Variants in ZNF7 observed in about 807,000 individuals in gnomAD.
ZNF7 encodes the protein C2-H2 type zinc finger protein.
In ZNF7, 10 loss-of-function variants were observed where a neutral mutation model predicts 12.0. The observed-to-expected ratio is 0.83, with a 90% CI of 0.51 to 1.42. The LOEUF (loss-of-function observed/expected upper bound fraction) is 1.42, where lower values mean the gene tolerates loss of function less well. Ranked by LOEUF, ZNF7 falls within the 40% of genes most tolerant of loss-of-function variation. The pLI is 0.00. For missense variants in ZNF7, 854 were observed against 837.2 expected, an observed-to-expected ratio of 1.02 and a Z score of -0.25; for synonymous variants, 334 against 295.0, an observed-to-expected ratio of 1.13 and a Z score of -1.35.
chr8:144,830,800 C>T (rs899440177), intron 3 of ZNF7: 9 of 372,732 alleles, frequency 2.4e-5, no homozygotes, highest in African/African-American at 1.7e-4. Flanking sequence ...ATGGCGCGAT[C>T]TTGGCTCACC....
At chr8:144,838,421 G>C (rs539871144) in intron 4 of ZNF7, 4 of 432,618 alleles carry the variant, frequency 9.2e-6, no homozygotes, top group Non-Finnish European at 1.7e-5. Flanking sequence ...CTGGGCAGGC[G>C]CCCGGCCTGG....
downstream of ZNF7, among the ~76,000 whole-genome samples, chr8:144,845,572 TG>T (rs1830466178): frequency 6.6e-6 from 1 of 152,218 alleles, no homozygotes; most frequent in Non-Finnish European, 1.5e-5. Context: ...TCTAACAGGC[TG>T]GGACCTTGTC....
intron 4 of ZNF7, chr8:144,838,334 T>C: frequency 1.7e-6 from 1 of 572,592 alleles, no homozygotes; most frequent in African/African-American, 1.9e-5. Context: ...TCTGAGGTGC[T>C]TCAAGTTAGG....
In ZNF7 at chr8:144,841,683, A is replaced by G. The variant is rs751225726; in HGVS notation, c.576A>G (p.Glu192=). The change falls in exon 5 of 5, where the codon GAA becomes GAG. Residue 192 remains glutamate, a synonymous_variant. Transcript: ENST00000532777. ...TTGAAAGTCAGGGAGAGAGTGCGGA[A>G]GGGATGTCCCAGAGATGCGAGGAGT... The part of the protein sequence containing the change: ...QPLESQGESA[E]GMSQRCEECG... The G allele has an allele frequency of 1.2e-6, 2 of 1,614,074 alleles. No homozygotes were observed. The highest frequency in any genetic ancestry group is 2.7e-5 in the African/African-American group (2 of 74,932).
Position 144,837,113 on chromosome 8 carries a change from G to A in ZNF7, c.131-278G>A, listed in dbSNP as rs148065883. ...TTTCCCGAGTTCCAGGGGTAGAGGC[G>A]GACTGTCCTTTGCAGACTGTTTGGT... On this transcript the variant is annotated intron_variant, in intron 3 of 4. Transcript: ENST00000532777. 806 of 281,384 alleles carry A rather than the reference G, an allele frequency of 2.9e-3. 4 individuals carry two copies. Among genetic ancestry groups the A allele is most frequent in the Non-Finnish European group, 3.5e-3 (518 of 149,550 alleles). 17.4% of individuals were successfully genotyped at this position (281,384 alleles called of 1,614,324 possible). A position where few individuals can be genotyped will look rare whatever the true frequency, so the allele number is the denominator to read the frequency against.
chr8:144,836,786 A>T (rs1346707857), intron 3 of ZNF7: 1 of 152,852 alleles, frequency 6.5e-6, no homozygotes, highest in Non-Finnish European at 1.5e-5. Flanking sequence ...CAAAGAGGGT[A>T]TGGGGGCAGG....
In ZNF7 at chr8:144,842,981, A is replaced by G. The variant is rs1203016458; in HGVS notation, c.1874A>G (p.Lys625Arg). 6.2e-7 allele frequency: 1 copy of G among 1,614,224 alleles called. No individual in the cohort carries two copies. Among genetic ancestry groups the G allele is most frequent in the Non-Finnish European group, 8.5e-7 (1 of 1,180,042 alleles). Residue 625 changes from lysine to arginine, a missense_variant, in exon 5 of 5, where the codon AAA becomes AGA. Physicochemically the swap from Lys to Arg is conservative, Grantham distance 26. Coordinates refer to ENST00000532777, the MANE Select transcript of ZNF7 (RefSeq NM_003416.4). ...ALEGSTFVSR[K>R]KVNTIKKLHQ... ...GAAGGGTCCACCTTTGTGAGCCGTAAAAAGGTTAATACTATAAAGAAACTG... is the reference window on the plus strand; with the variant it reads ...GAAGGGTCCACCTTTGTGAGCCGTAGAAAGGTTAATACTATAAAGAAACTG...
At chr8:144,840,200 G>A (rs1295282883) in intron 4 of ZNF7, among the ~76,000 whole-genome samples, 1 of 152,236 alleles carries the variant, frequency 6.6e-6, no homozygotes, top group East Asian at 1.9e-4. Context: ...GTTGTGCAGG[G>A]AAAGCAGCAC....
intron 1 of ZNF7, chr8:144,828,100 C>G (rs902546086): frequency 6.6e-6 from 1 of 152,288 alleles, no homozygotes; most frequent in East Asian, 1.9e-4. Context: ...TCCGGGCATT[C>G]CTACTGTCAG....
At chr8:144,828,171 A>G (rs1828008384) in intron 1 of ZNF7, 1 of 151,980 alleles carries the variant, frequency 6.6e-6, no homozygotes, top group Non-Finnish European at 1.5e-5. Flanking sequence ...CCCACAAACC[A>G]CTTTCTGGGC....
Position 144,837,453 on chromosome 8 carries a change from G to C in ZNF7, c.193G>C (p.Val65Leu). 6.2e-7 allele frequency: 1 copy of C among 1,613,248 alleles called. No individual in the cohort carries two copies. Among genetic ancestry groups the C allele is most frequent in the South Asian group, 1.1e-5 (1 of 91,048 alleles). ...SRLEQGEEPW[V>L]LDLQGAEGTE... is the part of the protein sequence containing the mutation. Reference sequence around the variant, plus strand: ...GCTGGAGCAGGGAGAAGAGCCATGGGTCCTCGACCTGCAGGGAGCAGAGGG... The same window carrying C: ...GCTGGAGCAGGGAGAAGAGCCATGGCTCCTCGACCTGCAGGGAGCAGAGGG... Residue 65 changes from valine (V) to leucine (L), a missense_variant, in exon 4 of 5, where the codon GTC (valine) becomes CTC (leucine). Physicochemically the swap from Val to Leu is conservative, Grantham distance 32. Coordinates refer to ENST00000532777, the MANE Select transcript of ZNF7 (RefSeq NM_003416.4).
chr8:144,846,232 C>T, downstream of ZNF7: 1 of 1,496,536 alleles, frequency 6.7e-7, no homozygotes, highest in Non-Finnish European at 8.9e-7. Context: ...CTAACAGCAA[C>T]CAGCCAAAAA....
downstream of ZNF7, among the ~76,000 whole-genome samples, chr8:144,844,633 T>C (rs536480196): frequency 3.5e-5 from 5 of 141,380 alleles, no homozygotes; most frequent in South Asian, 4.4e-4. Flanking sequence ...GGTGTGAACC[T>C]GGGAGGCAGA....
chr8:144,840,495 G>A (rs545515946), intron 4 of ZNF7, among the ~76,000 whole-genome samples: 4 of 152,178 alleles, frequency 2.6e-5, no homozygotes, highest in African/African-American at 9.7e-5. Flanking sequence ...GGTGGGGACC[G>A]TGGTTGTCAT....
Position 144,843,386 on chromosome 8 carries a change from G to GACCA in ZNF7, c.*219_*220insCCAA. 1 of 488,972 alleles carries GACCA rather than the reference G, an allele frequency of 2.0e-6. No individual in the cohort carries two copies. The highest frequency in any genetic ancestry group is 3.5e-6 in the Non-Finnish European group (1 of 287,096). The allele number at this position is 488,972 out of a possible 1,614,324, so 30.3% of individuals were successfully genotyped here. A position where few individuals can be genotyped will look rare whatever the true frequency, so the allele number is the denominator to read the frequency against. On this transcript the variant is annotated 3_prime_UTR_variant, in exon 5 of 5. Transcript: ENST00000532777. ...GGGCACATCACGAGGTCAGGAGGTTGAGACCATCCTGGGTAACAGGTGAAA... is the reference window on the plus strand; with the variant it reads ...GGGCACATCACGAGGTCAGGAGGTTGACCAAGACCATCCTGGGTAACAGGTGAAA...
At chr8:144,846,264 T>C (rs1226617218), downstream of ZNF7, 3 of 1,344,770 alleles carry the variant, frequency 2.2e-6, no homozygotes, top group East Asian at 7.6e-5. Context: ...GCAAGCTTCA[T>C]TCTGCTTCAG....
chr8:144,845,414 T>G (rs1255879713), downstream of ZNF7, among the ~76,000 whole-genome samples: 1 of 151,874 alleles, frequency 6.6e-6, no homozygotes, highest in African/African-American at 2.4e-5. Context: ...GACACAACCT[T>G]GAGAAGTGGC....
At chr8:144,837,915 C>G in intron 4 of ZNF7, 1 of 610,574 alleles carries the variant, frequency 1.6e-6, no homozygotes, top group Non-Finnish European at 3.0e-6. Flanking sequence ...CAGACCCTCT[C>G]AGGCTCCAGG....
At chr8:144,841,034 G>A (rs559053222) in intron 4 of ZNF7, 2 of 272,642 alleles carry the variant, frequency 7.3e-6, no homozygotes, top group Non-Finnish European at 1.4e-5. Context: ...CCACCCTTCT[G>A]GTCTTGCTTT....
Sources: gnomAD v4.1 joint callset for allele counts (sites outside exome capture counted in the v4.1 genomes callset) on GRCh38, gnomAD v4.1.1 for gene constraint, MANE v1.5 for transcripts, NCBI Gene and HGNC (gene_info 2026-07-23, HGNC 2026-07-21) for gene names.